Variants in TLK1 observed in about 807,000 individuals in gnomAD.
The protein encoded by TLK1 is serine/threonine-protein kinase tousled-like 1.
TLK1 carries 24 observed loss-of-function variants against 105.3 expected under a neutral mutation model. That is an observed-to-expected ratio of 0.23 (90% CI 0.17 to 0.32). The LOEUF (loss-of-function observed/expected upper bound fraction) is 0.32. Among genes scored for constraint, TLK1 ranks in the 10% least tolerant of loss-of-function variants. TLK1 has a pLI of 1.00. For synonymous variants in TLK1, 321 were observed against 310.4 expected (o/e 1.03, Z -0.36); for missense variants, 558 against 910.5 (o/e 0.61, Z 4.98).
intron 1 of TLK1, among the ~76,000 whole-genome samples, chr2:171,123,057 T>TAC (rs71008752): frequency 0.091 from 12,877 of 141,220 alleles, 626 homozygotes; most frequent in South Asian, 0.13. Flanking sequence ...AATAAATAAA[T>TAC]ACACACACAC....
At position 171,160,037 on chromosome 2, in the gene TLK1, T is replaced by A. The variant is rs543820859; in HGVS notation, c.139+253A>T. On this transcript the variant is annotated intron_variant, in intron 1 of 20. Coordinates refer to ENST00000431350, the MANE Select transcript of TLK1 (RefSeq NM_012290.5). This position sits in a 1 kb window ranked among gnomAD's most constrained non-coding sequence, Gnocchi z 4.4. ...CTCCCAGGAACCCCAGGCGAGTCTA[T>A]GCGCCTCGCCCCGTCCCCACCAGCG... 8.0e-4 allele frequency among the ~76,000 whole-genome samples: 121 copies of A among 152,184 alleles called. No homozygotes were observed. Among genetic ancestry groups the A allele is most frequent in the African/African-American group, 2.7e-3 (113 of 41,556 alleles).
chr2:171,210,626 AAAC>A (rs1285032267), intron 1 of TLK1, among the ~76,000 whole-genome samples: 1 of 152,234 alleles, frequency 6.6e-6, no homozygotes, highest in Non-Finnish European at 1.5e-5. Context: ...AAGTCAAACA[AAAC>A]AAACACACAA....
chr2:171,122,626 T>C (rs1227992702), intron 1 of TLK1, among the ~76,000 whole-genome samples: 2 of 151,826 alleles, frequency 1.3e-5, no homozygotes, highest in Admixed American at 1.3e-4. Context: ...GATACTTACA[T>C]AACAAGACAG....
intron 11 of TLK1, among the ~76,000 whole-genome samples, chr2:171,044,941 G>A (rs1686875425): frequency 6.6e-6 from 1 of 152,100 alleles, no homozygotes; most frequent in African/African-American, 2.4e-5. Context: ...GGAAGACAAG[G>A]CAGAAGAGAC....
chr2:171,161,354 C>T (rs1435399889), upstream of TLK1, among the ~76,000 whole-genome samples: 1 of 152,160 alleles, frequency 6.6e-6, no homozygotes, highest in Non-Finnish European at 1.5e-5. Context: ...GTGATCGTTT[C>T]TCAAAATGGA....
At chr2:171,155,023 G>A (rs1692180263) in intron 1 of TLK1, among the ~76,000 whole-genome samples, 3 of 152,098 alleles carry the variant, frequency 2.0e-5, no homozygotes, top group Admixed American at 2.0e-4. Flanking sequence ...ATAATTCTAG[G>A]AATAAGATGA....
intron 1 of TLK1, chr2:171,155,568 T>A (rs1692200969): frequency 1.3e-5 from 2 of 152,210 alleles, no homozygotes; most frequent in Admixed American, 1.3e-4. Context: ...TAGGGATTTT[T>A]AAAAAATCAC....
chr2:171,162,707 T>C (rs1238369628), upstream of TLK1, among the ~76,000 whole-genome samples: 1 of 152,194 alleles, frequency 6.6e-6, no homozygotes, highest in Non-Finnish European at 1.5e-5. Flanking sequence ...CCACAGATCT[T>C]TCTGTCATAT....
chr2:171,015,907 C>T (rs1457435281), intron 12 of TLK1, among the ~76,000 whole-genome samples: 3 of 151,922 alleles, frequency 2.0e-5, no homozygotes, highest in Admixed American at 6.6e-5. Context: ...GGAGAAACCC[C>T]GTCTCTACTA....
intron 1 of TLK1, among the ~76,000 whole-genome samples, chr2:171,144,656 T>C (rs1691720419): frequency 6.6e-6 from 1 of 152,092 alleles, no homozygotes; most frequent in Non-Finnish European, 1.5e-5. Context: ...ACTTATGGAA[T>C]GAACTAAATC....
chr2:171,193,866 C>T lies in TLK1; in HGVS notation c.-6+37279G>A, dbSNP rs116575551. Among the ~76,000 whole-genome samples, 651 of 152,036 alleles carry T rather than the reference C, an allele frequency of 4.3e-3. 4 individuals carry two copies. Among genetic ancestry groups the T allele is most frequent in the Non-Finnish European group, 7.3e-3 (499 of 67,974 alleles). On this transcript the variant is annotated intron_variant, in intron 1 of 20. Transcript: ENST00000521943. ...CAAGTAGCTTGGGATTACAGGCACC[C>T]GCCACCTCATGCCCAGCTAATTTTT... is the stretch of plus-strand genomic sequence containing the variant.
intron 1 of TLK1, among the ~76,000 whole-genome samples, chr2:171,148,890 A>AAAAAAAAAAAAAATAT (rs1445171800): frequency 2.2e-5 from 3 of 138,468 alleles, no homozygotes; most frequent in African/African-American, 5.4e-5. Flanking sequence ...AAAAAAAAAA[A>AAAAAAAAAAAAAATAT]ATATATATAT....
At chr2:171,225,263 T>C (rs1693877733) in intron 1 of TLK1, among the ~76,000 whole-genome samples, 1 of 152,098 alleles carries the variant, frequency 6.6e-6, no homozygotes, top group Admixed American at 6.6e-5. Context: ...ATGCAGAATA[T>C]ATAATAACTC....
intron 2 of TLK1, among the ~76,000 whole-genome samples, chr2:171,113,825 C>A (rs1170727055): frequency 6.6e-6 from 1 of 152,062 alleles, no homozygotes; most frequent in Non-Finnish European, 1.5e-5. Flanking sequence ...TGTAGAATAT[C>A]TTTATGGTCC....
At chr2:171,018,160 T>C (rs1262353181) in intron 12 of TLK1, among the ~76,000 whole-genome samples, 2 of 152,114 alleles carry the variant, frequency 1.3e-5, no homozygotes, top group African/African-American at 2.4e-5. Flanking sequence ...TTAGTGGCCT[T>C]ATGAGAAGAA....
chr2:171,072,560 C>T (rs1217689297), intron 3 of TLK1, among the ~76,000 whole-genome samples: 1 of 152,058 alleles, frequency 6.6e-6, no homozygotes, highest in African/African-American at 2.4e-5. Context: ...GAGTTTGAGG[C>T]CAGCCTGGCC....
At chr2:171,049,757 A>T (rs547480978) in intron 10 of TLK1, 57 bp downstream of exon 10, 4 of 1,595,662 alleles carry the variant, frequency 2.5e-6, no homozygotes, top group African/African-American at 1.4e-5. Context: ...ATAATCTTTT[A>T]AAGTAATGAA....
chr2:171,006,393 A>T, intron 17 of TLK1, 81 bp downstream of exon 17: 10 of 1,487,498 alleles, frequency 6.7e-6, no homozygotes, highest in Non-Finnish European at 9.0e-6. Context: ...AAACCAAAAA[A>T]CATGTTTTCA....
At chr2:171,001,610 T>C (rs931879529) in intron 18 of TLK1, among the ~76,000 whole-genome samples, 1 of 152,158 alleles carries the variant, frequency 6.6e-6, no homozygotes, top group African/African-American at 2.4e-5. Flanking sequence ...CATAAAACAG[T>C]AGAGTTACCC....
Sources: gnomAD v4.1 joint callset for allele counts (sites outside exome capture counted in the v4.1 genomes callset) on GRCh38, gnomAD v4.1.1 for gene constraint, Gnocchi (gnomAD v3.1) non-coding constraint, MANE v1.5 for transcripts, NCBI Gene and HGNC (gene_info 2026-07-23, HGNC 2026-07-21) for gene names.